Variants in NMT1 observed in about 807,000 individuals in gnomAD.
NMT1 encodes the protein N-myristoyltransferase 1, also known as glycylpeptide N-tetradecanoyltransferase 1.
A neutral mutation model predicts 63.4 loss-of-function variants in NMT1; 12 were observed. The ratio of observed to expected loss-of-function variants is 0.19; its 90% CI spans 0.12 to 0.31. NMT1 has a LOEUF of 0.31. Among genes scored for constraint, NMT1 ranks in the 10% least tolerant of loss-of-function variants. The probability of loss-of-function intolerance (pLI) is 1.00; values close to 1 mark genes in which losing one functional copy is unlikely to be tolerated. For missense variants in NMT1, 432 were observed against 634.6 expected, an observed-to-expected ratio of 0.68 and a Z score of 3.43; for synonymous variants, 228 against 234.3, an observed-to-expected ratio of 0.97 and a Z score of 0.25.
intron 1 of NMT1, among the ~76,000 whole-genome samples, chr17:45,062,459 G>T (rs748534863): frequency 6.6e-6 from 1 of 152,136 alleles, no homozygotes; most frequent in Non-Finnish European, 1.5e-5. Context: ...TCTGATTTTC[G>T]TAGCCAGCTT....
intron 1 of NMT1, among the ~76,000 whole-genome samples, chr17:45,067,281 G>C (rs1000517927): frequency 6.6e-6 from 1 of 151,686 alleles, no homozygotes; most frequent in South Asian, 2.1e-4. Context: ...GAGTGTTTTG[G>C]AACAAAAAAG....
intron 1 of NMT1, among the ~76,000 whole-genome samples, chr17:45,062,893 GC>G (rs2053875493): frequency 1.3e-5 from 2 of 152,008 alleles, no homozygotes; most frequent in Non-Finnish European, 2.9e-5. Context: ...AAAAGATCTA[GC>G]TTTTATGTTC....
In NMT1 at chr17:45,104,154, T is replaced by A; in HGVS notation, c.1332+278T>A. ...ACCAAGGAGCCTGAATAGCCAGGCC[T>A]TCCCTGGGAGGACAGGGCTTCTCCT... On this transcript the variant is annotated intron_variant, in intron 10 of 11. Coordinates refer to ENST00000258960, the MANE Select transcript of NMT1 (RefSeq NM_021079.5). The surrounding 1 kb of genome is among the most constrained non-coding windows in gnomAD (Gnocchi z 4.2). 1 of 1,330,304 alleles carries A rather than the reference T, an allele frequency of 7.5e-7. No individual in the cohort carries two copies. The highest frequency in any genetic ancestry group is 9.7e-7 in the Non-Finnish European group (1 of 1,031,440). The allele number at this position is 1,330,304 out of a possible 1,614,324, so 82.4% of individuals were successfully genotyped here. A position where few individuals can be genotyped will look rare whatever the true frequency, so the allele number is the denominator to read the frequency against.
At chr17:45,064,772 G>C (rs765196931) in intron 1 of NMT1, among the ~76,000 whole-genome samples, 3 of 152,176 alleles carry the variant, frequency 2.0e-5, no homozygotes, top group Non-Finnish European at 4.4e-5. Context: ...GCACTGAGCT[G>C]AGATCTCTCC....
intron 3 of NMT1, among the ~76,000 whole-genome samples, chr17:45,092,958 C>T (rs1449182332): frequency 1.3e-5 from 2 of 152,170 alleles, no homozygotes; most frequent in Non-Finnish European, 1.5e-5. Context: ...TGGTGAATCT[C>T]TCAGCATATA....
intron 4 of NMT1, 84 bp from the exon 5 acceptor site, chr17:45,096,110 C>G: frequency 9.9e-7 from 1 of 1,012,818 alleles, no homozygotes; most frequent in Non-Finnish European, 1.5e-6. Flanking sequence ...CTTCATCCTT[C>G]TGAAAAGCCT....
In NMT1 at chr17:45,105,138, TG is replaced by T; in HGVS notation, c.1470+143del. ...TGAACCTTTGAAAATGCCCTCCCTC[TG>T]CTGGCCAGACCAGCAGGTCAGCGTT... On this transcript the variant is annotated intron_variant, in intron 11 of 11. Coordinates refer to ENST00000258960, the MANE Select transcript of NMT1 (RefSeq NM_021079.5). This position sits in a 1 kb window ranked among gnomAD's most constrained non-coding sequence, Gnocchi z 4.2. 1 of 1,093,636 alleles carries T rather than the reference TG, an allele frequency of 9.1e-7. No homozygotes were observed. Among genetic ancestry groups the T allele is most frequent in the Non-Finnish European group, 1.3e-6 (1 of 765,448 alleles). The allele number at this position is 1,093,636 out of a possible 1,614,324, so 67.7% of individuals were successfully genotyped here.
At chr17:45,083,140 C>A (rs991882432) in intron 2 of NMT1, among the ~76,000 whole-genome samples, 3 of 151,888 alleles carry the variant, frequency 2.0e-5, no homozygotes, top group African/African-American at 7.3e-5. Context: ...CATGGTGAAA[C>A]CCTGCCTCTA....
chr17:45,075,911 A>C (rs1187765490), intron 1 of NMT1, among the ~76,000 whole-genome samples: 4 of 151,884 alleles, frequency 2.6e-5, no homozygotes, highest in Non-Finnish European at 5.9e-5. Flanking sequence ...CTCTACTAAA[A>C]ATACACAGAT....
intron 6 of NMT1, among the ~76,000 whole-genome samples, chr17:45,097,886 C>T (rs986758976): frequency 1.3e-5 from 2 of 152,154 alleles, no homozygotes; most frequent in African/African-American, 2.4e-5. Context: ...TGGGCCAGAG[C>T]GAGTGTGACC....
chr17:45,096,194 C>G lies in NMT1; in HGVS notation c.505C>G (p.Leu169Val). The change falls in exon 5 of 12, where the codon CTA (leucine) becomes GTA (valine). Residue 169 changes from leucine (L) to valine (V), a missense_variant and splice_region_variant. By Grantham distance (32) the Leu-to-Val change is conservative (BLOSUM62 1). This residue lies in a region of NMT1 where 295 missense variants were observed against 489.7 expected (regional missense o/e 0.60). Coordinates refer to ENST00000258960, the MANE Select transcript of NMT1 (RefSeq NM_021079.5). ...DALDLGDRGV[L>V]KELYTLLNEN... is the part of the protein sequence containing the mutation. ...AAGTGAGCTGCTTATTTCTTTACAG[C>G]TAAAAGAACTGTACACCCTCCTGAA... 6.2e-7 allele frequency: 1 copy of G among 1,610,608 alleles called. No homozygotes were observed. The highest frequency in any genetic ancestry group is 8.5e-7 in the Non-Finnish European group (1 of 1,176,784).
intron 8 of NMT1, 105 bp from the exon 9 acceptor site, chr17:45,102,845 CG>C: frequency 9.3e-7 from 1 of 1,073,378 alleles, no homozygotes; most frequent in South Asian, 1.8e-5. Context: ...TGCAGGGAGC[CG>C]CCGAATGACC....
intron 1 of NMT1, among the ~76,000 whole-genome samples, chr17:45,081,362 T>C (rs528354667): frequency 6.6e-6 from 1 of 152,352 alleles, no homozygotes; most frequent in South Asian, 2.1e-4. Flanking sequence ...ACCCTGGCAA[T>C]ATAAAGAAAA....
At chr17:45,062,054 C>A (rs2053866637) in intron 1 of NMT1, 1 of 152,154 alleles carries the variant, frequency 6.6e-6, no homozygotes, top group Non-Finnish European at 1.5e-5. Flanking sequence ...GTATCCTGAA[C>A]GATATATTAA....
intron 7 of NMT1, 48 bp downstream of exon 7, chr17:45,098,600 G>A (rs759591941): frequency 3.2e-6 from 5 of 1,553,748 alleles, no homozygotes; most frequent in Non-Finnish European, 4.4e-6. Context: ...TGTCTGCACT[G>A]TAGTTGAGGA....
intron 2 of NMT1, 138 bp downstream of exon 2, chr17:45,081,890 G>C: frequency 4.3e-6 from 3 of 697,034 alleles, no homozygotes; most frequent in Non-Finnish European, 7.3e-6. Context: ...TCCCAGTGCT[G>C]TCCTCTGCTG....
intron 1 of NMT1, among the ~76,000 whole-genome samples, chr17:45,077,462 C>T (rs567410824): frequency 4.1e-4 from 62 of 152,326 alleles, no homozygotes; most frequent in African/African-American, 1.4e-3. Context: ...GCAATCTTGG[C>T]TTACCACAAT....
chr17:45,078,272 A>G (rs1334171655), intron 1 of NMT1, among the ~76,000 whole-genome samples: 20 of 152,230 alleles, frequency 1.3e-4, no homozygotes, highest in Non-Finnish European at 1.5e-5. Context: ...CCATTTTCAC[A>G]GAGGTGAGTC....
intron 3 of NMT1, among the ~76,000 whole-genome samples, chr17:45,088,479 G>A (rs2054068011): frequency 6.6e-6 from 1 of 152,218 alleles, no homozygotes; most frequent in South Asian, 2.1e-4. Flanking sequence ...TTGAGGCTGG[G>A]CGCAGTGGCT....
Sources: gnomAD v4.1 joint callset for allele counts (sites outside exome capture counted in the v4.1 genomes callset) on GRCh38, gnomAD v4.1.1 for gene constraint, gnomAD v4.1.1 regional missense constraint, Gnocchi (gnomAD v3.1) non-coding constraint, MANE v1.5 for transcripts, NCBI Gene and HGNC (gene_info 2026-07-23, HGNC 2026-07-21) for gene names.